DLGAP3: variants seen among roughly 807,000 people sequenced by gnomAD.
The protein encoded by DLGAP3 is DLG associated protein 3, also known as disks large-associated protein 3.
A neutral mutation model predicts 81.2 loss-of-function variants in DLGAP3; 17 were observed. That is an observed-to-expected ratio of 0.21 (90% CI 0.14 to 0.31). The LOEUF (loss-of-function observed/expected upper bound fraction) is 0.31, where lower values mean the gene tolerates loss of function less well. Among genes scored for constraint, DLGAP3 ranks in the 10% least tolerant of loss-of-function variants. The probability of loss-of-function intolerance (pLI) is 1.00; values close to 1 mark genes in which losing one functional copy is unlikely to be tolerated. For synonymous variants in DLGAP3, 577 were observed against 587.4 expected (o/e 0.98, Z 0.26); for missense variants, 1,124 against 1,388.0 (o/e 0.81, Z 3.02).
rs1366494007 is a variant in DLGAP3 at position 34,868,383 on chromosome 1, G to A, written c.2485+222C>T. Among the ~76,000 whole-genome samples the A allele has an allele frequency of 6.6e-6, 1 of 152,174 alleles. No individual in the cohort carries two copies. Among genetic ancestry groups the A allele is most frequent in the African/African-American group, 2.4e-5 (1 of 41,438 alleles). ...CTGCAGTGTCTGCAGTCCCAGCCCT[G>A]GCCTCTAAAGCTGCACCATGTGCAC... On this transcript the variant is annotated intron_variant, in intron 9 of 11. Coordinates refer to ENST00000373347, the MANE Select transcript of DLGAP3 (RefSeq NM_001080418.3). The surrounding 1 kb of genome is among the most constrained non-coding windows in gnomAD (Gnocchi z 7.5).
Position 34,868,822 on chromosome 1 carries a change from G to A in DLGAP3, c.2268C>T (p.Pro756=), listed in dbSNP as rs572015126. 428 of 1,580,064 alleles carry A rather than the reference G, an allele frequency of 2.7e-4. No individual in the cohort carries two copies. The highest frequency in any genetic ancestry group is 5.1e-4 in the Middle Eastern group (3 of 5,894). Reference sequence around the variant, plus strand: ...CGGGGGTGGGGGCGGGGGCAGGGCCGGGCGACCCATCGGTGGCCGGCGGCT... The same window carrying A: ...CGGGGGTGGGGGCGGGGGCAGGGCCAGGCGACCCATCGGTGGCCGGCGGCT... The part of the protein sequence containing the change: ...PYEPPATDGS[P]GPAPAPTPGP... Residue 756 remains proline (P), a synonymous_variant, in exon 9 of 12, where the codon CCC becomes CCT. Coordinates refer to ENST00000373347, the MANE Select transcript of DLGAP3 (RefSeq NM_001080418.3). This position sits in a 1 kb window ranked among gnomAD's most constrained non-coding sequence, Gnocchi z 7.5.
Position 34,900,255 on chromosome 1 carries a change from C to CA in DLGAP3, c.1125_1126insT (p.Gly376TrpfsTer29). On this transcript the variant is annotated frameshift_variant, in exon 4 of 12. Coordinates refer to ENST00000373347, the MANE Select transcript of DLGAP3 (RefSeq NM_001080418.3). LOFTEE classifies it high-confidence loss of function. The surrounding 1 kb of genome is among the most constrained non-coding windows in gnomAD (Gnocchi z 5.6). ...TCCTTGCCACCGGTGGGGTAACCCC[C>CA]CCAGTCATCTTGCGGCACCTGCAGG... The CA allele has an allele frequency of 6.2e-7, 1 of 1,614,048 alleles. No individual in the cohort carries two copies. The highest frequency in any genetic ancestry group is 8.5e-7 in the Non-Finnish European group (1 of 1,180,012).
intron 8 of DLGAP3, among the ~76,000 whole-genome samples, chr1:34,876,390 G>C (rs886644032): frequency 6.6e-6 from 1 of 152,190 alleles, no homozygotes; most frequent in Non-Finnish European, 1.5e-5. Flanking sequence ...ATTACAGAGA[G>C]AGAAACAGAT....
chr1:34,886,793 C>CTATATATATACTACATATATACTA (rs1639238506), intron 5 of DLGAP3, among the ~76,000 whole-genome samples: 1 of 150,696 alleles, frequency 6.6e-6, no homozygotes, highest in Non-Finnish European at 1.5e-5. Context: ...CATACATGTA[C>CTATATATATACTACATATATACTA]TATATATATA....
intron 5 of DLGAP3, among the ~76,000 whole-genome samples, chr1:34,891,153 T>C (rs1397419215): frequency 6.6e-6 from 1 of 152,178 alleles, no homozygotes; most frequent in Non-Finnish European, 1.5e-5. Flanking sequence ...CAAAGAAACA[T>C]GTATTCATAA....
At chr1:34,876,153 C>CG (rs1056277874) in intron 8 of DLGAP3, among the ~76,000 whole-genome samples, 24 of 151,914 alleles carry the variant, frequency 1.6e-4, no homozygotes, top group Admixed American at 9.2e-4. Context: ...TGAATCTTGG[C>CG]GGGGGGGTGG....
chr1:34,905,255 G>A lies in DLGAP3; in HGVS notation c.129C>T (p.Thr43=), dbSNP rs771993094. 2.1e-5 allele frequency: 34 copies of A among 1,591,446 alleles called. No homozygotes were observed. The highest frequency in any genetic ancestry group is 1.3e-4 in the African/African-American group (10 of 74,604). The change falls in exon 3 of 12, where the codon ACC becomes ACT. Residue 43 remains threonine (T), a synonymous_variant. Coordinates refer to ENST00000373347, the MANE Select transcript of DLGAP3 (RefSeq NM_001080418.3). ...YLLGSREAFS[T]EPRFCAPRAG... is the part of the protein sequence containing the mutation. ...CTCTCGGGGCACAGAAGCGGGGCTCGGTGGAGAAGGCCTCCCTGGAGCCCA... is the reference window on the plus strand; with the variant it reads ...CTCTCGGGGCACAGAAGCGGGGCTCAGTGGAGAAGGCCTCCCTGGAGCCCA...
Position 34,885,746 on chromosome 1 carries a change from T to C in DLGAP3, c.1646A>G (p.Gln549Arg). The C allele has an allele frequency of 7.1e-7, 1 of 1,418,270 alleles. No homozygotes were observed. Among genetic ancestry groups the C allele is most frequent in the Non-Finnish European group, 9.1e-7 (1 of 1,094,666 alleles). 87.9% of individuals were successfully genotyped at this position (1,418,270 alleles called of 1,614,324 possible). ...KAPPPIPPGS[Q>R]APPRISITAQ... ...GGTGATGGAGATGCGGGGCGGGGCCTGGCTTCCCGGCGGGATGGGGGGCGG... is the reference window on the plus strand; with the variant it reads ...GGTGATGGAGATGCGGGGCGGGGCCCGGCTTCCCGGCGGGATGGGGGGCGG... Residue 549 changes from glutamine to arginine, a missense_variant, in exon 7 of 12, where the codon CAG (glutamine) becomes CGG (arginine). Physicochemically the swap from Gln to Arg is conservative, Grantham distance 43. Around this residue, in one of 9 missense-constraint regions of DLGAP3, gnomAD observed 379 missense variants for 455.7 expected, o/e 0.83. Transcript: ENST00000373347.
intron 5 of DLGAP3, among the ~76,000 whole-genome samples, chr1:34,899,454 C>T (rs1639422994): frequency 6.6e-6 from 1 of 152,218 alleles, no homozygotes; most frequent in South Asian, 2.1e-4. Context: ...ACAAGCTCAT[C>T]ACTTTGAGGA....
At position 34,913,384 on chromosome 1, in the gene DLGAP3, G is replaced by T. The variant is rs145151932; in HGVS notation, c.-134-5947C>A. ...CTCTTTGAAAATCCCACCTCAGGGG[G>T]CTTTGCACTTGATGTTCTCTCTGCT... On this transcript the variant is annotated intron_variant, in intron 1 of 11. Coordinates refer to ENST00000373347, the MANE Select transcript of DLGAP3 (RefSeq NM_001080418.3). Among the ~76,000 whole-genome samples, 831 of 152,202 alleles carry T rather than the reference G, an allele frequency of 5.5e-3. 24 individuals carry two copies. The highest frequency in any genetic ancestry group is 0.049 in the Admixed American group (752 of 15,292).
At chr1:34,883,583 CA>C (rs944169505) in intron 8 of DLGAP3, among the ~76,000 whole-genome samples, 27 of 152,164 alleles carry the variant, frequency 1.8e-4, no homozygotes, top group Non-Finnish European at 2.8e-4. Context: ...CACAGATTTG[CA>C]AATTGGGTTT....
chr1:34,890,378 GCTCCTAATGAT>G (rs1182441286), intron 5 of DLGAP3, among the ~76,000 whole-genome samples: 5 of 152,168 alleles, frequency 3.3e-5, no homozygotes, highest in Non-Finnish European at 5.9e-5. Flanking sequence ...CTCTGAAATA[GCTCCTAATGAT>G]CTCCATCTCC....
Position 34,904,761 on chromosome 1 carries a change from C to A in DLGAP3, c.623G>T (p.Gly208Val), listed in dbSNP as rs1476023366. The change falls in exon 3 of 12, where the codon GGA becomes GTA. Residue 208 changes from glycine (G) to valine (V), a missense_variant. Coordinates refer to ENST00000373347, the MANE Select transcript of DLGAP3 (RefSeq NM_001080418.3). The surrounding 1 kb of genome is among the most constrained non-coding windows in gnomAD (Gnocchi z 8.1). ...AGAGCCCGGGCCGGGGTAGCTGTCT[C>A]CTCCAGAGCCACCTCTTCCCTCAGC... ...PKAEGRGGSGGDSYPGPGSGG... is the reference protein window; with the variant it reads ...PKAEGRGGSGVDSYPGPGSGG... 6.2e-7 allele frequency: 1 copy of A among 1,611,388 alleles called. No individual in the cohort carries two copies. Among genetic ancestry groups the A allele is most frequent in the Non-Finnish European group, 8.5e-7 (1 of 1,180,018 alleles).
intron 5 of DLGAP3, among the ~76,000 whole-genome samples, chr1:34,894,934 T>C (rs538952715): frequency 1.3e-5 from 2 of 152,350 alleles, no homozygotes; most frequent in Non-Finnish European, 2.9e-5. Context: ...TAAAGTGTCC[T>C]AAGATCACTT....
chr1:34,876,312 G>A (rs1300218313), intron 8 of DLGAP3, among the ~76,000 whole-genome samples: 1 of 152,234 alleles, frequency 6.6e-6, no homozygotes, highest in Non-Finnish European at 1.5e-5. Context: ...CACCCAAGAG[G>A]TGAGCAGGGA....
rs1168535012 is a variant in DLGAP3, at chr1:34,867,841, T to C, written c.2486-214A>G. ...TCCTCAGACACTGATGTTCCCTCCT[T>C]CATACAGCCTACATTTCTTGAGTGC... On this transcript the variant is annotated intron_variant, in intron 9 of 11. Coordinates refer to ENST00000373347, the MANE Select transcript of DLGAP3 (RefSeq NM_001080418.3). This position sits in a 1 kb window ranked among gnomAD's most constrained non-coding sequence, Gnocchi z 4.3. 3.9e-5 allele frequency among the ~76,000 whole-genome samples: 6 copies of C among 152,016 alleles called. No individual in the cohort carries two copies. The highest frequency in any genetic ancestry group is 7.4e-5 in the Non-Finnish European group (5 of 67,996).
In DLGAP3 at chr1:34,905,267, C is replaced by T. The variant is rs1409629489; in HGVS notation, c.117G>A (p.Glu39=). 6.3e-7 allele frequency: 1 copy of T among 1,585,798 alleles called. No homozygotes were observed. Among genetic ancestry groups the T allele is most frequent in the South Asian group, 1.2e-5 (1 of 86,722 alleles). The change falls in exon 3 of 12, where the codon GAG becomes GAA. Residue 39 remains glutamate (E), a synonymous_variant. Coordinates refer to ENST00000373347, the MANE Select transcript of DLGAP3 (RefSeq NM_001080418.3). ...AGAAGCGGGGCTCGGTGGAGAAGGC[C>T]TCCCTGGAGCCCAGCAGGTATGGGG... The part of the protein sequence containing the change: ...ARAPYLLGSR[E]AFSTEPRFCA...
Position 34,904,319 on chromosome 1 carries a change from A to G in DLGAP3, c.1065T>C (p.Gly355=). 6.2e-7 allele frequency: 1 copy of G among 1,609,618 alleles called. No individual in the cohort carries two copies. The highest frequency in any genetic ancestry group is 8.5e-7 in the Non-Finnish European group (1 of 1,180,000). The change falls in exon 3 of 12, where the codon GGT becomes GGC. Residue 355 remains glycine (G), a synonymous_variant. Transcript: ENST00000373347. The surrounding 1 kb of genome is among the most constrained non-coding windows in gnomAD (Gnocchi z 8.1). Reference sequence around the variant, plus strand: ...TCCTGGCTTTGGCCTTGGTCTCCGGACCCAGGAGCCCCTTGCCTGGCCCGG... The same window carrying G: ...TCCTGGCTTTGGCCTTGGTCTCCGGGCCCAGGAGCCCCTTGCCTGGCCCGG... The part of the protein sequence containing the change: ...PGAGPGKGLL[G]PETKAKARTY...
rs974611239 is a variant in DLGAP3 at position 34,925,236 on chromosome 1, G to A, written c.-135+4215C>T. On this transcript the variant is annotated intron_variant, in intron 1 of 11. Transcript: ENST00000373347. The stretch of plus-strand genomic sequence containing the variant: ...CAAGAGAGAAAAGAAACCCAGACAT[G>A]GGGCTTCCCTGAGGGAACCTTGAGA... 7.3e-5 allele frequency: 11 copies of A among 151,662 alleles called. 1 individual carries two copies. The highest frequency in any genetic ancestry group is 2.7e-4 in the African/African-American group (11 of 41,166). 9.4% of individuals were successfully genotyped at this position (151,662 alleles called of 1,614,324 possible).
Sources: gnomAD v4.1 joint callset for allele counts (sites outside exome capture counted in the v4.1 genomes callset) on GRCh38, gnomAD v4.1.1 for gene constraint, gnomAD v4.1.1 regional missense constraint, Gnocchi (gnomAD v3.1) non-coding constraint, MANE v1.5 for transcripts, NCBI Gene and HGNC (gene_info 2026-07-23, HGNC 2026-07-21) for gene names.